The following FGD5 variants were observed in gnomAD, a reference collection of about 807,000 sequenced individuals.
The protein encoded by FGD5 is FYVE, RhoGEF and PH domain-containing protein 5.
In FGD5, 28 loss-of-function variants were observed where a neutral mutation model predicts 133.4. That is an observed-to-expected ratio of 0.21 (90% CI 0.16 to 0.29). The LOEUF is 0.29. Ranked by LOEUF, FGD5 falls within the 10% of genes least tolerant of loss-of-function variation. The pLI is 1.00. For synonymous variants in FGD5, 810 were observed against 776.5 expected, an observed-to-expected ratio of 1.04 and a Z score of -0.72; for missense variants, 1,858 against 1,895.2, an observed-to-expected ratio of 0.98 and a Z score of 0.36.
chr3:14,886,568 C>T (rs1027011681), intron 4 of FGD5, among the ~76,000 whole-genome samples: 3 of 152,240 alleles, frequency 2.0e-5, no homozygotes, highest in African/African-American at 4.8e-5. Flanking sequence ...TCCGATGAGG[C>T]TGTGGCAAGG....
intron 17 of FGD5, among the ~76,000 whole-genome samples, 168 bp downstream of exon 17, chr3:14,924,306 G>T (rs2038747298): frequency 6.6e-6 from 1 of 152,102 alleles, no homozygotes; most frequent in Admixed American, 6.6e-5. Flanking sequence ...TGACAGTGAT[G>T]GTGCTAGGCG....
chr3:14,839,933 A>AAAC (rs2036885862), intron 1 of FGD5, among the ~76,000 whole-genome samples: 1 of 149,548 alleles, frequency 6.7e-6, no homozygotes, highest in South Asian at 2.1e-4. Context: ...ACTGTCTCAA[A>AAAC]AAACAAACAA....
chr3:14,902,913 G>A (rs2038269785), intron 9 of FGD5, among the ~76,000 whole-genome samples: 1 of 152,194 alleles, frequency 6.6e-6, no homozygotes, highest in African/African-American at 2.4e-5. Context: ...GCAGCCGACG[G>A]CCAGACACCC....
intron 4 of FGD5, chr3:14,897,019 T>G (rs1348258713): frequency 6.1e-6 from 1 of 163,110 alleles, no homozygotes; most frequent in Non-Finnish European, 1.3e-5. Context: ...ATGTGAATAT[T>G]TCTACATAGC....
At position 14,821,351 on chromosome 3, in the gene FGD5, G is replaced by A; in HGVS notation, c.2280G>A (p.Lys760=). The change falls in exon 1 of 20, where the codon AAG becomes AAA. Residue 760 remains lysine (K), a synonymous_variant. Transcript: ENST00000285046. Reference sequence around the variant, plus strand: ...CCTTCCTGCCCTTGCCACTGACCAAGCCACGGTCCATCTCCTTCCCCAGCG... The same window carrying A: ...CCTTCCTGCCCTTGCCACTGACCAAACCACGGTCCATCTCCTTCCCCAGCG... ...RPPFLPLPLT[K]PRSISFPSAD... is the part of the protein sequence containing the mutation. 1 of 1,613,986 alleles carries A rather than the reference G, an allele frequency of 6.2e-7. No individual in the cohort carries two copies. Among genetic ancestry groups the A allele is most frequent in the Middle Eastern group, 1.6e-4 (1 of 6,062 alleles).
intron 11 of FGD5, among the ~76,000 whole-genome samples, chr3:14,914,887 T>A (rs2038521954): frequency 6.6e-6 from 1 of 152,232 alleles, no homozygotes; most frequent in South Asian, 2.1e-4. Context: ...GTCCAGCGCC[T>A]GGTGCAGAAT....
chr3:14,920,125 G>T (rs574511697), intron 13 of FGD5, among the ~76,000 whole-genome samples: 1 of 152,086 alleles, frequency 6.6e-6, no homozygotes, highest in Non-Finnish European at 1.5e-5. Context: ...GCTCTCGGGG[G>T]CTTGGAAACC....
At chr3:14,843,525 C>T (rs962495402) in intron 1 of FGD5, among the ~76,000 whole-genome samples, 3 of 152,074 alleles carry the variant, frequency 2.0e-5, no homozygotes, top group African/African-American at 7.2e-5. Context: ...CATCCAGATG[C>T]CAGGTAGCCC....
rs1004655953 is a variant in FGD5, at chr3:14,836,657, G to A, written c.2525+15061G>A. Among the ~76,000 whole-genome samples the A allele has an allele frequency of 9.2e-5, 14 of 152,252 alleles. No homozygotes were observed. The South Asian group carries it at 2.9e-3, about 32-fold the overall frequency. On this transcript the variant is annotated intron_variant, in intron 1 of 19. Coordinates refer to ENST00000285046, the MANE Select transcript of FGD5 (RefSeq NM_152536.4). ...CCTCATTTACAGAGGAGAAACCTGAGGCCAAGAGGGGAAGAGAGAAGTGCT... is the reference window on the plus strand; with the variant it reads ...CCTCATTTACAGAGGAGAAACCTGAAGCCAAGAGGGGAAGAGAGAAGTGCT...
intron 4 of FGD5, 80 bp from the exon 5 acceptor site, chr3:14,897,429 A>T: frequency 6.6e-7 from 1 of 1,514,494 alleles, no homozygotes; most frequent in Non-Finnish European, 8.9e-7. Flanking sequence ...CAGGGCTCCA[A>T]AGCCCCAGGG....
intron 1 of FGD5, among the ~76,000 whole-genome samples, chr3:14,824,959 A>G (rs115650473): frequency 0.011 from 1,630 of 152,344 alleles, 33 homozygotes; most frequent in African/African-American, 0.037. Flanking sequence ...TGCACCACAC[A>G]GAGACTTTCT....
In FGD5 at chr3:14,901,032, G is replaced by C; in HGVS notation, c.3235G>C (p.Asp1079His). 6.2e-7 allele frequency: 1 copy of C among 1,614,030 alleles called. No homozygotes were observed. The highest frequency in any genetic ancestry group is 8.5e-7 in the Non-Finnish European group (1 of 1,179,896). Residue 1079 changes from aspartate to histidine, a missense_variant, in exon 9 of 20, where the codon GAC becomes CAC. Around this residue, in one of 3 missense-constraint regions of FGD5, gnomAD observed 1,824 missense variants for 1,848.9 expected, o/e 0.99. Transcript: ENST00000285046. Reference protein sequence around the residue: ...GALSLISKVTDRANDSMEQGE... With the variant: ...GALSLISKVTHRANDSMEQGE... ...ACTGAGCCTCATCTCCAAAGTCACA[G>C]ACCGTGCCAACGACAGCATGGAGCA... is the stretch of plus-strand genomic sequence containing the variant.
chr3:14,906,061 C>T (rs1237251991), intron 9 of FGD5, among the ~76,000 whole-genome samples: 12 of 152,150 alleles, frequency 7.9e-5, no homozygotes, highest in Admixed American at 6.5e-4. Context: ...ATGCTTCTCC[C>T]GTGGGTGCTG....
intron 16 of FGD5, 85 bp downstream of exon 16, chr3:14,923,260 A>G (rs2038724098): frequency 6.6e-7 from 1 of 1,513,832 alleles, no homozygotes; most frequent in Non-Finnish European, 8.9e-7. Context: ...TCCATGGTTC[A>G]TGCCTGAAAC....
chr3:14,833,862 G>T (rs1188439140), intron 1 of FGD5, among the ~76,000 whole-genome samples: 2 of 152,168 alleles, frequency 1.3e-5, no homozygotes, highest in African/African-American at 4.8e-5. Flanking sequence ...GCAGCCCCTG[G>T]GTGCTGGTGT....
intron 1 of FGD5, among the ~76,000 whole-genome samples, chr3:14,822,097 T>TA (rs1575187711): frequency 1.4e-5 from 2 of 147,718 alleles, no homozygotes; most frequent in South Asian, 4.3e-4. Flanking sequence ...AGACTCTGTC[T>TA]AAAAAAAATA....
chr3:14,898,892 G>A, intron 7 of FGD5, 66 bp downstream of exon 7: 2 of 1,416,294 alleles, frequency 1.4e-6, no homozygotes, highest in South Asian at 1.2e-5. Context: ...GAGGAGGGGT[G>A]GAGGGGACTG....
intron 1 of FGD5, among the ~76,000 whole-genome samples, chr3:14,833,104 C>G (rs1267591046): frequency 6.6e-6 from 1 of 152,184 alleles, no homozygotes; most frequent in Non-Finnish European, 1.5e-5. Flanking sequence ...GTCCAGCCTT[C>G]CACAGATGAA....
At position 14,917,691 on chromosome 3, in the gene FGD5, A is replaced by T. The variant is rs2038586268; in HGVS notation, c.3489+359A>T. On this transcript the variant is annotated intron_variant, in intron 12 of 19. Coordinates refer to ENST00000285046, the MANE Select transcript of FGD5 (RefSeq NM_152536.4). This position sits in a 1 kb window ranked among gnomAD's most constrained non-coding sequence, Gnocchi z 4.1. ...TGTGATAAAATACACATATCATTTT[A>T]AAAGTAACCATTTTTAAATGTACAG... 6.6e-6 allele frequency among the ~76,000 whole-genome samples: 1 copy of T among 152,198 alleles called. No individual in the cohort carries two copies. The highest frequency in any genetic ancestry group is 6.5e-5 in the Admixed American group (1 of 15,282).
Sources: allele counts gnomAD v4.1 joint callset (sites outside exome capture counted in the v4.1 genomes callset), GRCh38; gene constraint gnomAD v4.1.1; regional missense constraint gnomAD v4.1.1; non-coding constraint Gnocchi (gnomAD v3.1); transcripts MANE v1.5; gene names NCBI Gene and HGNC (gene_info 2026-07-23, HGNC 2026-07-21).